Variants in WDR11 observed in about 807,000 individuals in gnomAD.
The protein encoded by WDR11 is WD repeat domain 11.
In WDR11, 83 loss-of-function variants were observed where a neutral mutation model predicts 151.2. That is an observed-to-expected ratio of 0.55 (90% confidence interval 0.46 to 0.66). WDR11 has a LOEUF of 0.66. Among genes scored for constraint, WDR11 ranks in the 30% least tolerant of loss-of-function variants. The probability of loss-of-function intolerance (pLI) is 0.00; values close to 1 mark genes in which losing one functional copy is unlikely to be tolerated. For missense variants in WDR11, 1,301 were observed against 1,480.9 expected (o/e 0.88, Z 1.99); for synonymous variants, 484 against 533.1 (o/e 0.91, Z 1.27).
At chr10:120,904,300 T>C in intron 24 of WDR11, 158 bp downstream of exon 24, 1 of 684,720 alleles carries the variant, frequency 1.5e-6, no homozygotes, top group Non-Finnish European at 2.5e-6. Context: ...ATAATACCAA[T>C]AAACCTCATG....
chr10:120,892,597 G>T (rs1341684294), intron 19 of WDR11, among the ~76,000 whole-genome samples: 1 of 152,168 alleles, frequency 6.6e-6, no homozygotes, highest in Non-Finnish European at 1.5e-5. Flanking sequence ...GGGGCTTACT[G>T]ACATGGGATA....
intron 19 of WDR11, among the ~76,000 whole-genome samples, chr10:120,897,634 T>C (rs1294930505): frequency 6.6e-6 from 1 of 152,146 alleles, no homozygotes; most frequent in East Asian, 1.9e-4. Flanking sequence ...AGTTAGAACG[T>C]AGGGCATTCT....
intron 15 of WDR11, 31 bp from the exon 16 acceptor site, chr10:120,886,658 C>T: frequency 1.9e-6 from 3 of 1,597,346 alleles, no homozygotes; most frequent in Non-Finnish European, 2.6e-6. Context: ...GAAAAAAAAA[C>T]ATCTTTATCA....
Position 120,908,875 on chromosome 10 carries a change from T to A in WDR11, c.*162T>A. On this transcript the variant is annotated 3_prime_UTR_variant, in exon 29 of 29. Transcript: ENST00000263461. ...GTGTGCCCAAAAGCACATAAGCATC[T>A]ATGTTGAGAGTAAGTTTGTATCCTG... 1 of 741,164 alleles carries A rather than the reference T, an allele frequency of 1.3e-6. No homozygotes were observed. Among genetic ancestry groups the A allele is most frequent in the Non-Finnish European group, 2.3e-6 (1 of 431,688 alleles). The allele number at this position is 741,164 out of a possible 1,614,324, so 45.9% of individuals were successfully genotyped here.
intron 28 of WDR11, chr10:120,908,271 AGGTTATGGGAG>A: frequency 2.6e-6 from 1 of 389,912 alleles, no homozygotes; most frequent in Non-Finnish European, 4.5e-6. Context: ...AGTTGAGTGT[AGGTTATGGGAG>A]GATGTTGGTT....
intron 13 of WDR11, among the ~76,000 whole-genome samples, chr10:120,883,054 T>C (rs1308529595): frequency 6.6e-6 from 1 of 152,110 alleles, no homozygotes. Flanking sequence ...CCATGGGGTG[T>C]TATTCAGAGG....
chr10:120,880,736 A>G (rs1424309397), intron 12 of WDR11, 90 bp from the exon 13 acceptor site: 3 of 1,061,730 alleles, frequency 2.8e-6, no homozygotes, highest in South Asian at 2.7e-5. Context: ...TAGGATGGGT[A>G]GGACTGATCA....
At chr10:120,883,188 C>T (rs1055994837) in intron 13 of WDR11, among the ~76,000 whole-genome samples, 8 of 152,190 alleles carry the variant, frequency 5.3e-5, no homozygotes, top group Admixed American at 5.2e-4. Flanking sequence ...ACAGGGAGTA[C>T]AGGGATCTTC....
chr10:120,871,029 A>T lies in WDR11; in HGVS notation c.1295-141A>T, dbSNP rs184588457. The T allele has an allele frequency of 1.9e-3, 1,588 of 836,850 alleles. 2 individuals are homozygous for T. The highest frequency in any genetic ancestry group is 2.5e-3 in the Non-Finnish European group (1,348 of 535,346). 51.8% of individuals were successfully genotyped at this position (836,850 alleles called of 1,614,324 possible). A position where few individuals can be genotyped will look rare whatever the true frequency, so the allele number is the denominator to read the frequency against. ...CCAGGTACAGAGTCATTGTGTCCTT[A>T]ATAACTACAGCCACTAAAGTACTAC... On this transcript the variant is annotated intron_variant, in intron 9 of 28. Coordinates refer to ENST00000263461, the MANE Select transcript of WDR11 (RefSeq NM_018117.12).
intron 10 of WDR11, 89 bp downstream of exon 10, chr10:120,871,435 G>T (rs906387797): frequency 7.3e-7 from 1 of 1,375,782 alleles, no homozygotes; most frequent in Non-Finnish European, 1.0e-6. Context: ...TATTCTTTTT[G>T]AGGATGCTTT....
Position 120,878,420 on chromosome 10 carries a change from T to C in WDR11, c.1624T>C (p.Leu542=). ...TACCTCAACACCAAACAATATGGGATTAGTGAGAAATGAACTTCAACTGGT... is the reference window on the plus strand; with the variant it reads ...TACCTCAACACCAAACAATATGGGACTAGTGAGAAATGAACTTCAACTGGT... ...FATSTPNNMG[L]VRNELQLVDL... The change falls in exon 12 of 29, where the codon TTA becomes CTA. Residue 542 remains leucine (L), a synonymous_variant. Coordinates refer to ENST00000263461, the MANE Select transcript of WDR11 (RefSeq NM_018117.12). 2 of 1,613,286 alleles carry C rather than the reference T, an allele frequency of 1.2e-6. No individual in the cohort carries two copies. The highest frequency in any genetic ancestry group is 1.7e-6 in the Non-Finnish European group (2 of 1,179,542).
In WDR11 at chr10:120,862,802, GA is replaced by G. The variant is rs1407202827; in HGVS notation, c.600del (p.Val201PhefsTer25). The G allele has an allele frequency of 1.2e-6, 2 of 1,614,026 alleles. No homozygotes were observed. On this transcript the variant is annotated frameshift_variant, in exon 5 of 29. Transcript: ENST00000263461. LOFTEE classifies it high-confidence loss of function. The part of the protein sequence containing the change: ...SPSKPPSGPG[K>X]KVYISSPHSS... ...CATCCAAGCCTCCCTCAGGCCCTGG[GA>G]AAAAAGTTTACATATCCAGCCCACA...
chr10:120,906,618 C>CT (rs943482503), intron 27 of WDR11, 158 bp from the exon 28 acceptor site: 19 of 1,498,792 alleles, frequency 1.3e-5, no homozygotes, highest in Non-Finnish European at 1.6e-5. Flanking sequence ...TTCTTCCCTC[C>CT]TTTTTTCAAC....
chr10:120,878,738 TTA>T (rs1226893069), intron 12 of WDR11, among the ~76,000 whole-genome samples: 10 of 152,164 alleles, frequency 6.6e-5, no homozygotes, highest in Non-Finnish European at 1.5e-5. Flanking sequence ...AAGTGCATTG[TTA>T]TATGTAACCA....
chr10:120,895,065 T>C (rs1442301593), intron 19 of WDR11, among the ~76,000 whole-genome samples: 1 of 152,242 alleles, frequency 6.6e-6, no homozygotes, highest in Non-Finnish European at 1.5e-5. Context: ...GTAAATGTTG[T>C]CTTGCTTGCA....
chr10:120,851,578 G>A (rs1345601023), intron 1 of WDR11, 72 bp downstream of exon 1: 30 of 1,550,856 alleles, frequency 1.9e-5, no homozygotes, highest in South Asian at 1.2e-5. Context: ...AAGGACAAGA[G>A]GTTTCACCCC....
intron 13 of WDR11, among the ~76,000 whole-genome samples, chr10:120,882,401 G>A (rs971337416): frequency 6.6e-6 from 1 of 151,706 alleles, no homozygotes; most frequent in South Asian, 2.1e-4. Flanking sequence ...AGAACGTGTT[G>A]TAAAGTATTC....
intron 16 of WDR11, among the ~76,000 whole-genome samples, chr10:120,887,949 A>G (rs1354587596): frequency 1.3e-5 from 2 of 151,986 alleles, no homozygotes; most frequent in Non-Finnish European, 2.9e-5. Flanking sequence ...TTTTTTATTA[A>G]TGGACTTTAT....
Position 120,902,240 on chromosome 10 carries a change from C to T in WDR11, c.2688-17C>T. 6.2e-7 allele frequency: 1 copy of T among 1,613,224 alleles called. No individual in the cohort carries two copies. The highest frequency in any genetic ancestry group is 8.5e-7 in the Non-Finnish European group (1 of 1,179,282). On this transcript the variant is annotated splice_polypyrimidine_tract_variant and intron_variant, in intron 21 of 28. Transcript: ENST00000263461. ...TTGAAAACTTTTGTCTCACTTTTGT[C>T]CGGATTTCTTCCACAGTGACATAAA...
Sources: gnomAD v4.1 joint callset for allele counts (sites outside exome capture counted in the v4.1 genomes callset) on GRCh38, gnomAD v4.1.1 for gene constraint, MANE v1.5 for transcripts, NCBI Gene and HGNC (gene_info 2026-07-23, HGNC 2026-07-21) for gene names.